Variants in PXYLP1 observed in about 807,000 individuals in gnomAD.
PXYLP1 encodes the protein acid phosphatase-like 2.
PXYLP1 carries 17 observed loss-of-function variants against 37.9 expected under a neutral mutation model. The ratio of observed to expected loss-of-function variants is 0.45; its 90% confidence interval spans 0.31 to 0.67. The LOEUF is 0.67. PXYLP1 is among the 30% of genes least tolerant of loss of function. PXYLP1 has a pLI of 0.07. For synonymous variants in PXYLP1, 221 were observed against 232.2 expected (o/e 0.95, Z 0.44); for missense variants, 511 against 612.0 (o/e 0.84, Z 1.74).
chr3:141,232,058 G>A (rs746608267), intron 1 of PXYLP1, 147 bp downstream of exon 1: 284 of 152,502 alleles, frequency 1.9e-3, no homozygotes, highest in Non-Finnish European at 2.5e-3. Context: ...GGGAAGGCTG[G>A]GGGCGCTTCG....
At chr3:141,232,175 G>T (rs1940531968) in intron 1 of PXYLP1, among the ~76,000 whole-genome samples, 1 of 151,958 alleles carries the variant, frequency 6.6e-6, no homozygotes. Flanking sequence ...CGTGCGCCCG[G>T]TGTCCCAGCC....
intron 1 of PXYLP1, among the ~76,000 whole-genome samples, chr3:141,258,041 G>A (rs1337967572): frequency 6.6e-6 from 1 of 152,112 alleles, no homozygotes; most frequent in Non-Finnish European, 1.5e-5. Context: ...TCCCTTAAGA[G>A]CATGGAAGCA....
intron 2 of PXYLP1, among the ~76,000 whole-genome samples, chr3:141,266,801 C>T (rs1234827378): frequency 1.3e-5 from 2 of 152,130 alleles, no homozygotes; most frequent in Non-Finnish European, 1.5e-5. Context: ...TTTCCTGTGG[C>T]CCTGATCCCC....
At chr3:141,248,735 GTATATATACACACGTA>G (rs1941059208) in intron 1 of PXYLP1, among the ~76,000 whole-genome samples, 2 of 22,262 alleles carry the variant, frequency 9.0e-5, no homozygotes, top group East Asian at 1.8e-3. Flanking sequence ...ACACACACGT[GTATATATACACACGTA>G]TATATATACA....
chr3:141,244,676 CTTCT>C (rs1414954178), intron 1 of PXYLP1, among the ~76,000 whole-genome samples: 1 of 150,600 alleles, frequency 6.6e-6, no homozygotes, highest in Admixed American at 6.6e-5. Flanking sequence ...CCTAAGCCCA[CTTCT>C]TTCTTTTTTT....
At chr3:141,242,452 G>A (rs1940828845) in intron 1 of PXYLP1, among the ~76,000 whole-genome samples, 1 of 152,236 alleles carries the variant, frequency 6.6e-6, no homozygotes. Flanking sequence ...CTTTCCCTAA[G>A]GAAAAGAGGG....
At chr3:141,251,168 AT>A (rs1482005062) in intron 1 of PXYLP1, among the ~76,000 whole-genome samples, 2 of 152,234 alleles carry the variant, frequency 1.3e-5, no homozygotes, top group East Asian at 3.8e-4. Flanking sequence ...ATAACAATGG[AT>A]TAAAATGCTG....
Position 141,294,783 on chromosome 3 carries a change from A to G in PXYLP1, c.*1578A>G, listed in dbSNP as rs1482422149. The G allele has an allele frequency of 6.6e-6, 1 of 152,226 alleles. No individual in the cohort carries two copies. Among genetic ancestry groups the G allele is most frequent in the Non-Finnish European group, 1.5e-5 (1 of 68,038 alleles). The allele number at this position is 152,226 out of a possible 1,614,324, so 9.4% of individuals were successfully genotyped here. ...ATTTTAACTGCTTTACTAACTGCTG[A>G]AAGTTGTGTTATCTCTCAAGTATTC... On this transcript the variant is annotated 3_prime_UTR_variant, in exon 6 of 6. Transcript: ENST00000286353.
chr3:141,280,329 T>C (rs1192620250), intron 4 of PXYLP1, among the ~76,000 whole-genome samples: 1 of 152,260 alleles, frequency 6.6e-6, no homozygotes, highest in East Asian at 1.9e-4. Context: ...AGGGCTGTTC[T>C]TTAAAAGTGA....
intron 4 of PXYLP1, among the ~76,000 whole-genome samples, chr3:141,284,380 T>C: frequency 9.1e-6 from 1 of 109,832 alleles, no homozygotes; most frequent in East Asian, 2.3e-4. Context: ...AACCCAGAAG[T>C]GGCATACATC....
chr3:141,274,329 G>T (rs878942265), intron 2 of PXYLP1: 1 of 1,396,420 alleles, frequency 7.2e-7, no homozygotes, highest in African/African-American at 1.4e-5. Context: ...CATCGACCCT[G>T]GTGAGGCCAA....
At chr3:141,282,999 G>A (rs1024275479) in intron 4 of PXYLP1, among the ~76,000 whole-genome samples, 20 of 151,600 alleles carry the variant, frequency 1.3e-4, no homozygotes, top group East Asian at 5.8e-4. Context: ...ACAGAGTCTC[G>A]CTCTGTCACT....
At chr3:141,281,073 G>T (rs769647086) in intron 4 of PXYLP1, among the ~76,000 whole-genome samples, 1 of 152,176 alleles carries the variant, frequency 6.6e-6, no homozygotes, top group Non-Finnish European at 1.5e-5. Context: ...GCCATATTTA[G>T]TAAATGCTTT....
chr3:141,245,865 A>G (rs1288800540), intron 1 of PXYLP1, among the ~76,000 whole-genome samples: 1 of 152,208 alleles, frequency 6.6e-6, no homozygotes, highest in Non-Finnish European at 1.5e-5. Context: ...GCATTCTGCT[A>G]TGAAAAGTAC....
At chr3:141,287,779 C>T (rs1942109857) in intron 5 of PXYLP1, among the ~76,000 whole-genome samples, 1 of 152,222 alleles carries the variant, frequency 6.6e-6, no homozygotes, top group Admixed American at 6.5e-5. Context: ...TGCTTATGCA[C>T]ACACACACAT....
intron 5 of PXYLP1, among the ~76,000 whole-genome samples, chr3:141,288,674 G>A (rs941558567): frequency 3.3e-5 from 5 of 152,150 alleles, no homozygotes; most frequent in Admixed American, 2.6e-4. Flanking sequence ...CAGGATAATC[G>A]TTTGAGCCTG....
At chr3:141,286,959 T>A (rs1942088526) in intron 4 of PXYLP1, among the ~76,000 whole-genome samples, 3 of 151,488 alleles carry the variant, frequency 2.0e-5, no homozygotes, top group Admixed American at 1.3e-4. Flanking sequence ...ATGGAGAGAG[T>A]GGGACGATGC....
chr3:141,251,792 C>CT (rs1941145809), intron 1 of PXYLP1, among the ~76,000 whole-genome samples: 3 of 152,198 alleles, frequency 2.0e-5, no homozygotes, highest in Non-Finnish European at 1.5e-5. Flanking sequence ...TCTTCAAACT[C>CT]TGACTTTCTC....
Position 141,279,385 on chromosome 3 carries a change from C to G in PXYLP1, c.246C>G (p.Ala82=), listed in dbSNP as rs1941889763. ...TGTGCTTCTCTCGCGCAGGTCATGC[C>G]CCGCATCATTTTAAGCTGGTCTCAG... is the stretch of plus-strand genomic sequence containing the variant. ...SVAERSMEGH[A]PHHFKLVSVH... The change falls in exon 4 of 6, where the codon GCC becomes GCG. Residue 82 remains alanine, a synonymous_variant. Coordinates refer to ENST00000286353, the MANE Select transcript of PXYLP1 (RefSeq NM_001037172.3). 3.1e-6 allele frequency: 5 copies of G among 1,614,172 alleles called. No homozygotes were observed. The highest frequency in any genetic ancestry group is 4.2e-6 in the Non-Finnish European group (5 of 1,180,004).
Sources: gnomAD v4.1 joint callset for allele counts (sites outside exome capture counted in the v4.1 genomes callset) on GRCh38, gnomAD v4.1.1 for gene constraint, MANE v1.5 for transcripts, NCBI Gene and HGNC (gene_info 2026-07-23, HGNC 2026-07-21) for gene names.